RYR2: variants seen among roughly 807,000 people sequenced by gnomAD.
RYR2 encodes cardiac muscle ryanodine receptor-calcium release channel.
A neutral mutation model predicts 601.1 loss-of-function variants in RYR2; 227 were observed. The ratio of observed to expected loss-of-function variants is 0.38; its 90% CI spans 0.34 to 0.42. The LOEUF (loss-of-function observed/expected upper bound fraction) is 0.42, where lower values mean the gene tolerates loss of function less well. Ranked by LOEUF, RYR2 falls within the 10% of genes least tolerant of loss-of-function variation. RYR2 has a pLI of 1.00. For missense variants in RYR2, 4,646 were observed against 6,156.5 expected (o/e 0.75, Z 8.21); for synonymous variants, 2,223 against 2,175.1 (o/e 1.02, Z -0.61).
rs386370106 is a variant in RYR2, at chr1:237,262,245, G to GTTTTTTT, written c.49-8231_49-8225dup. On this transcript the variant is annotated intron_variant, in intron 1 of 104. Transcript: ENST00000366574. ...AAATATTAGATCTCTGTTCTAAAGAGTTTTTTTTTTTTTTTTTTTTTTTTT... is the reference window on the plus strand; with the variant it reads ...AAATATTAGATCTCTGTTCTAAAGAGTTTTTTTTTTTTTTTTTTTTTTTTTTTTTTTT... Among the ~76,000 whole-genome samples, 442 of 61,062 alleles carry GTTTTTTT rather than the reference G, an allele frequency of 7.2e-3. 59 individuals carry two copies. The highest frequency in any genetic ancestry group is 0.02 in the African/African-American group (339 of 16,574). The allele number at this position is 61,062 out of a possible 152,430, so 40.1% of individuals were successfully genotyped here. A position where few individuals can be genotyped will look rare whatever the true frequency, so the allele number is the denominator to read the frequency against.
At position 237,060,727 on chromosome 1, in the gene RYR2, T is replaced by C. The variant is rs79741709; in HGVS notation, c.48+18158T>C. ...TTCATTTATATCAGAGATGCATCCA[T>C]GTTGTAGCTCCTGGTGGCTTAGTGC... On this transcript the variant is annotated intron_variant, in intron 1 of 104. Transcript: ENST00000366574. 5.1e-3 allele frequency among the ~76,000 whole-genome samples: 774 copies of C among 152,344 alleles called. 11 individuals are homozygous for C. Among genetic ancestry groups the C allele is most frequent in the African/African-American group, 0.017 (715 of 41,578 alleles).
chr1:237,544,930 G>A (rs887875286), intron 25 of RYR2, among the ~76,000 whole-genome samples: 1 of 152,108 alleles, frequency 6.6e-6, no homozygotes, highest in South Asian at 2.1e-4. Flanking sequence ...CTGTACAAAT[G>A]ATTTGTTGTT....
intron 56 of RYR2, among the ~76,000 whole-genome samples, chr1:237,665,530 G>C (rs904730268): frequency 6.6e-6 from 1 of 152,174 alleles, no homozygotes; most frequent in Non-Finnish European, 1.5e-5. Flanking sequence ...CCTGCGGCTG[G>C]ATAATGTTTA....
chr1:237,625,714 A>C lies in RYR2; in HGVS notation c.6076A>C (p.Arg2026=), dbSNP rs1679573695. The stretch of plus-strand genomic sequence containing the variant: ...GGATGGAAACAGTGATTTAACAATT[A>C]GAGGGCGTCTGCTATCCCTGGTAGA... ...SLDGNSDLTI[R]GRLLSLVEKV... The change falls in exon 40 of 105, where the codon AGA becomes CGA. Residue 2026 remains arginine (R), a synonymous_variant. Transcript: ENST00000366574. 6.2e-7 allele frequency: 1 copy of C among 1,613,676 alleles called. No homozygotes were observed. The highest frequency in any genetic ancestry group is 1.7e-5 in the Admixed American group (1 of 59,980).
intron 56 of RYR2, among the ~76,000 whole-genome samples, chr1:237,663,644 A>T (rs1177677667): frequency 6.6e-6 from 1 of 152,226 alleles, no homozygotes; most frequent in Admixed American, 6.5e-5. Flanking sequence ...CGGCTTTGAA[A>T]GAATGTTGTG....
In RYR2 at chr1:237,717,318, G is replaced by A. The variant is rs757656504; in HGVS notation, c.10444G>A (p.Ala3482Thr). The change falls in exon 72 of 105, where the codon GCC becomes ACC. Residue 3482 changes from alanine (A) to threonine (T), a missense_variant. Physicochemically the swap from Ala to Thr is moderately conservative, Grantham distance 58 (BLOSUM62 0). Around this residue, in one of 17 missense-constraint regions of RYR2, gnomAD observed 1,497 missense variants for 1,842.6 expected, o/e 0.81. Transcript: ENST00000366574. The stretch of plus-strand genomic sequence containing the variant: ...ACTGCCCATTGGGTTGAACATCTGT[G>A]CCCCTGGGGACCAGGAGCTCATTGC... The part of the protein sequence containing the change: ...RLLPIGLNIC[A>T]PGDQELIALA... The A allele has an allele frequency of 9.9e-6, 16 of 1,612,260 alleles. No individual in the cohort carries two copies. The highest frequency in any genetic ancestry group is 1.0e-5 in the Non-Finnish European group (12 of 1,178,824).
At chr1:237,745,991 C>G (rs908566334) in intron 80 of RYR2, among the ~76,000 whole-genome samples, 1 of 151,818 alleles carries the variant, frequency 6.6e-6, no homozygotes, top group Non-Finnish European at 1.5e-5. Flanking sequence ...ACATGCTACT[C>G]TTAACAAAAT....
intron 1 of RYR2, among the ~76,000 whole-genome samples, chr1:237,214,506 A>T (rs569257030): frequency 1.2e-3 from 189 of 152,274 alleles, no homozygotes; most frequent in African/African-American, 4.4e-3. Context: ...GCTCTTTAAC[A>T]GTCAGCTCTC....
chr1:237,726,190 C>A, intron 74 of RYR2, 83 bp from the exon 75 acceptor site: 1 of 929,194 alleles, frequency 1.1e-6, no homozygotes, highest in Non-Finnish European at 1.7e-6. Context: ...GACATTATTA[C>A]AATCATTTTT....
intron 82 of RYR2, among the ~76,000 whole-genome samples, chr1:237,759,064 C>T (rs1693193602): frequency 6.6e-6 from 1 of 152,140 alleles, no homozygotes; most frequent in Non-Finnish European, 1.5e-5. Context: ...GCAGTCACAA[C>T]TCTCAGATTG....
At chr1:237,811,308 G>A (rs1284542242) in intron 100 of RYR2, among the ~76,000 whole-genome samples, 1 of 152,082 alleles carries the variant, frequency 6.6e-6, no homozygotes, top group Non-Finnish European at 1.5e-5. Flanking sequence ...TTGATCCACT[G>A]CCTGTTCTTG....
intron 91 of RYR2, among the ~76,000 whole-genome samples, chr1:237,787,593 A>G (rs1350843933): frequency 6.7e-6 from 1 of 148,804 alleles, no homozygotes; most frequent in Non-Finnish European, 1.5e-5. Flanking sequence ...CTCTGTCTCA[A>G]AAACAAAAAA....
chr1:237,098,907 G>A (rs1483929937), intron 1 of RYR2, among the ~76,000 whole-genome samples: 3 of 151,804 alleles, frequency 2.0e-5, no homozygotes, highest in African/African-American at 4.8e-5. Context: ...AATATTCAGC[G>A]AGGAGCTGAG....
At position 237,208,970 on chromosome 1, in the gene RYR2, ATATATATATATATATG is replaced by A. The variant is rs1238206436; in HGVS notation, c.49-61522_49-61507del. On this transcript the variant is annotated intron_variant, in intron 1 of 104. Coordinates refer to ENST00000366574, the MANE Select transcript of RYR2 (RefSeq NM_001035.3). ...TATATATATATATATATATATATAT[ATATATATATATATATG>A]TATACTGTAATTGAACTATGATTCA... Among the ~76,000 whole-genome samples the A allele has an allele frequency of 3.8e-3, 344 of 91,520 alleles. 10 individuals are homozygous for A. The highest frequency in any genetic ancestry group is 0.032 in the East Asian group (72 of 2,262). The allele number at this position is 91,520 out of a possible 152,430, so 60.0% of individuals were successfully genotyped here. A position where few individuals can be genotyped will look rare whatever the true frequency, so the allele number is the denominator to read the frequency against.
At chr1:237,341,524 G>C (rs555547331) in intron 3 of RYR2, 11 of 394,058 alleles carry the variant, frequency 2.8e-5, no homozygotes, top group Non-Finnish European at 5.8e-5. Context: ...ATGTATTCGC[G>C]GTCTGTTTAT....
chr1:237,734,208 C>G (rs2149176958), intron 79 of RYR2, among the ~76,000 whole-genome samples: 1 of 152,240 alleles, frequency 6.6e-6, no homozygotes, highest in South Asian at 2.1e-4. Flanking sequence ...AATTAACTCA[C>G]AGTTACACAT....
chr1:237,693,240 G>A (rs748034065), intron 63 of RYR2, among the ~76,000 whole-genome samples: 2 of 150,590 alleles, frequency 1.3e-5, no homozygotes, highest in Non-Finnish European at 2.9e-5. Flanking sequence ...TCCTTAAGAG[G>A]TCCATGAAAA....
At chr1:237,370,633 T>C (rs12071066) in intron 6 of RYR2, among the ~76,000 whole-genome samples, 1,925 of 151,704 alleles carry the variant, frequency 0.013, 58 homozygotes, top group African/African-American at 0.043. Context: ...ATATAAAATA[T>C]GTTAAAAATA....
At chr1:237,073,826 ATAC>A (rs1664675613) in intron 1 of RYR2, among the ~76,000 whole-genome samples, 1 of 148,332 alleles carries the variant, frequency 6.7e-6, no homozygotes, top group Non-Finnish European at 1.5e-5. Context: ...AGCCAAGCTC[ATAC>A]CACTGTACTC....
Sources: gnomAD v4.1 joint callset for allele counts (sites outside exome capture counted in the v4.1 genomes callset) on GRCh38, gnomAD v4.1.1 for gene constraint, gnomAD v4.1.1 regional missense constraint, MANE v1.5 for transcripts, NCBI Gene and HGNC (gene_info 2026-07-23, HGNC 2026-07-21) for gene names.